Variants in ANK3 observed in about 807,000 individuals in gnomAD.
ANK3 encodes ankyrin-3.
Under a neutral mutation model 370.9 loss-of-function variants are expected in ANK3, and 57 were observed. The observed-to-expected ratio is 0.15, with a 90% confidence interval of 0.12 to 0.19. ANK3 has a LOEUF of 0.19. ANK3 is among the 10% of genes least tolerant of loss of function. The pLI, the probability that ANK3 is intolerant of heterozygous loss-of-function variation, is 1.00. For synonymous variants in ANK3, 1,929 were observed against 1,946.3 expected (o/e 0.99, Z 0.23); for missense variants, 4,439 against 5,302.1 (o/e 0.84, Z 5.06).
intron 2 of ANK3, among the ~76,000 whole-genome samples, chr10:60,494,067 T>G (rs1428992287): frequency 2.0e-5 from 3 of 152,158 alleles, no homozygotes; most frequent in Non-Finnish European, 4.4e-5. Flanking sequence ...TCTTTGTTTA[T>G]AGAAACAGAA....
intron 28 of ANK3, among the ~76,000 whole-genome samples, chr10:60,093,728 T>G (rs10821673): frequency 0.31 from 47,748 of 152,018 alleles, 7,853 homozygotes; most frequent in Non-Finnish European, 0.36. Flanking sequence ...GATAAGGCAT[T>G]AAAGCCACCC....
At chr10:60,279,208 C>A in intron 2 of ANK3, 60 bp from the exon 3 acceptor site, 4 of 1,390,176 alleles carry the variant, frequency 2.9e-6, no homozygotes, top group South Asian at 1.2e-5. Flanking sequence ...AGTAAACAAC[C>A]GACCAAGAAC....
At chr10:60,076,880 C>T (rs61845769) in intron 36 of ANK3, among the ~76,000 whole-genome samples, 1,883 of 152,276 alleles carry the variant, frequency 0.012, 20 homozygotes, top group Middle Eastern at 0.044. Context: ...ATGTTTGTTT[C>T]GTGCAACCAT....
chr10:60,307,940 T>C (rs138458550), intron 1 of ANK3, among the ~76,000 whole-genome samples: 43 of 152,336 alleles, frequency 2.8e-4, no homozygotes, highest in African/African-American at 7.5e-4. Context: ...AAAGAAAATG[T>C]GACAACAGCA....
intron 25 of ANK3, among the ~76,000 whole-genome samples, chr10:60,124,806 G>T (rs2093674527): frequency 1.3e-5 from 2 of 152,142 alleles, no homozygotes; most frequent in Non-Finnish European, 2.9e-5. Flanking sequence ...TAATAGCTGT[G>T]GACAAGCTAT....
chr10:60,240,255 CATATACACATATATAT>C (rs1471748933), intron 7 of ANK3, among the ~76,000 whole-genome samples: 1 of 129,336 alleles, frequency 7.7e-6, no homozygotes, highest in African/African-American at 3.0e-5. Flanking sequence ...CATATATATA[CATATACACATATATAT>C]ACACACACAC....
intron 2 of ANK3, among the ~76,000 whole-genome samples, chr10:60,459,988 C>A (rs1183033324): frequency 1.3e-5 from 2 of 152,120 alleles, no homozygotes; most frequent in Non-Finnish European, 2.9e-5. Flanking sequence ...CCTGAGAAAG[C>A]TGGAACAGCT....
intron 2 of ANK3, among the ~76,000 whole-genome samples, chr10:60,612,274 A>T (rs974863143): frequency 8.5e-5 from 13 of 152,162 alleles, no homozygotes; most frequent in Non-Finnish European, 1.8e-4. Flanking sequence ...AATTATGACA[A>T]GAAAGAAAGA....
At chr10:60,696,476 T>C (rs1011297199) in intron 1 of ANK3, among the ~76,000 whole-genome samples, 2 of 151,474 alleles carry the variant, frequency 1.3e-5, no homozygotes, top group Non-Finnish European at 2.9e-5. Context: ...CCAATATCCT[T>C]GATGAACATT....
At chr10:60,437,010 C>A (rs2132994256) in intron 2 of ANK3, among the ~76,000 whole-genome samples, 1 of 152,300 alleles carries the variant, frequency 6.6e-6, no homozygotes, top group South Asian at 2.1e-4. Context: ...CACAGGACCC[C>A]ATGTAGCCTT....
chr10:60,542,636 A>G (rs1158622663), intron 2 of ANK3, among the ~76,000 whole-genome samples: 1 of 151,968 alleles, frequency 6.6e-6, no homozygotes, highest in Non-Finnish European at 1.5e-5. Flanking sequence ...TATAATGCAT[A>G]TTTCTTCATT....
intron 1 of ANK3, among the ~76,000 whole-genome samples, chr10:60,699,906 A>T (rs1377209936): frequency 6.6e-6 from 1 of 152,212 alleles, no homozygotes; most frequent in Non-Finnish European, 1.5e-5. Context: ...TTCGTGATAC[A>T]AATGTTAGAT....
rs542989261 is a variant in ANK3, at chr10:60,035,538, C to A, written c.*20-5712G>T. Reference sequence around the variant, plus strand: ...GAAGTGCTGGGATTACAGGTGTGAGCCACTGCGCCCGGCCAAAAAGAGAGC... The same window carrying A: ...GAAGTGCTGGGATTACAGGTGTGAGACACTGCGCCCGGCCAAAAAGAGAGC... On this transcript the variant is annotated intron_variant, in intron 43 of 43. Transcript: ENST00000280772. Among the ~76,000 whole-genome samples the A allele has an allele frequency of 6.6e-5, 10 of 151,326 alleles. No individual in the cohort carries two copies. In the South Asian group the frequency reaches 1.9e-3, roughly 29 times the overall value.
chr10:60,546,733 TA>T (rs1253209331), intron 2 of ANK3, among the ~76,000 whole-genome samples: 1 of 152,102 alleles, frequency 6.6e-6, no homozygotes, highest in African/African-American at 2.4e-5. Flanking sequence ...ATAATTACAT[TA>T]AAACAATAAT....
chr10:60,498,553 T>C (rs1357022954), intron 2 of ANK3, among the ~76,000 whole-genome samples: 6 of 152,142 alleles, frequency 3.9e-5, no homozygotes, highest in Admixed American at 6.5e-5. Flanking sequence ...CATACCTGGC[T>C]AATTATTTCT....
intron 2 of ANK3, among the ~76,000 whole-genome samples, chr10:60,516,383 CTT>C (rs2076220079): frequency 6.6e-6 from 1 of 152,104 alleles, no homozygotes; most frequent in Non-Finnish European, 1.5e-5. Context: ...ATTTAACAGA[CTT>C]AAAACTACTG....
At chr10:60,425,170 C>A (rs1011710669) in intron 2 of ANK3, among the ~76,000 whole-genome samples, 1 of 151,990 alleles carries the variant, frequency 6.6e-6, no homozygotes, top group East Asian at 1.9e-4. Flanking sequence ...TTTGTATATT[C>A]AGGTAGGAAG....
chr10:60,225,041 G>A (rs886812149), intron 8 of ANK3, among the ~76,000 whole-genome samples: 3 of 151,676 alleles, frequency 2.0e-5, no homozygotes, highest in Admixed American at 6.6e-5. Flanking sequence ...AGCCTCCCAA[G>A]TAGCTGGGAT....
At position 60,069,559 on chromosome 10, in the gene ANK3, C is replaced by T. The variant is rs780938229; in HGVS notation, c.11322G>A (p.Arg3774=). The change falls in exon 37 of 44, where the codon AGG becomes AGA. Residue 3774 remains arginine, a synonymous_variant. Transcript: ENST00000280772. ...SNTANSQMGV[R]PHEKHDFQKD... is the part of the protein sequence containing the mutation. ...TTTGAAAATCATGTTTTTCATGGGG[C>T]CTAACGCCCATCTGGCTATTGGCTG... 21 of 1,613,312 alleles carry T rather than the reference C, an allele frequency of 1.3e-5. No homozygotes were observed. Among genetic ancestry groups the T allele is most frequent in the Non-Finnish European group, 1.6e-5 (19 of 1,179,884 alleles).
Sources: gnomAD v4.1 joint callset for allele counts (sites outside exome capture counted in the v4.1 genomes callset) on GRCh38, gnomAD v4.1.1 for gene constraint, MANE v1.5 for transcripts, NCBI Gene and HGNC (gene_info 2026-07-23, HGNC 2026-07-21) for gene names.